TBCD: variants seen among roughly 807,000 people sequenced by gnomAD.
TBCD encodes the protein tubulin folding cofactor D.
In TBCD, 105 loss-of-function variants were observed where a neutral mutation model predicts 169.3. That is an observed-to-expected ratio of 0.62 (90% confidence interval 0.53 to 0.73). The LOEUF is 0.73. Among genes scored for constraint, TBCD ranks in the 30% least tolerant of loss-of-function variants. The pLI, the probability that TBCD is intolerant of heterozygous loss-of-function variation, is 0.00. For synonymous variants in TBCD, 700 were observed against 643.9 expected (o/e 1.09, Z -1.32); for missense variants, 1,444 against 1,600.1 (o/e 0.90, Z 1.66).
chr17:82,930,128 G>A lies in TBCD; in HGVS notation c.2992-394G>A, dbSNP rs1384031655. ...ACGTGAGGTGCCCTCTGCGCCGTGC[G>A]GGCGCGTGCGGGGAGACCCGGGCCA... is the stretch of plus-strand genomic sequence containing the variant. On this transcript the variant is annotated intron_variant, in intron 32 of 38. Coordinates refer to ENST00000355528, the MANE Select transcript of TBCD (RefSeq NM_005993.5). This position sits in a 1 kb window ranked among gnomAD's most constrained non-coding sequence, Gnocchi z 5.2. 6 of 280,194 alleles carry A rather than the reference G, an allele frequency of 2.1e-5. No individual in the cohort carries two copies. The highest frequency in any genetic ancestry group is 4.1e-5 in the South Asian group (1 of 24,322). 17.4% of individuals were successfully genotyped at this position (280,194 alleles called of 1,614,324 possible). A position where few individuals can be genotyped will look rare whatever the true frequency, so the allele number is the denominator to read the frequency against.
intron 23 of TBCD, among the ~76,000 whole-genome samples, chr17:82,919,288 C>G (rs1156472056): frequency 6.6e-6 from 1 of 151,996 alleles, no homozygotes; most frequent in African/African-American, 2.4e-5. Flanking sequence ...TTTGTTTCCC[C>G]CCTCTTGGCA....
chr17:82,798,064 C>T (rs781336875), intron 8 of TBCD, among the ~76,000 whole-genome samples: 5 of 146,828 alleles, frequency 3.4e-5, no homozygotes, highest in Non-Finnish European at 5.9e-5. Context: ...GCAGCCTCCG[C>T]GTCCTGGGTT....
Position 82,943,729 on chromosome 17 carries a change from C to CTGTT in TBCD, c.*1267_*1270dup, listed in dbSNP as rs2063487998. ...ACAGGAGTGTGGGGTTAACACACTA[C>CTGTT]TGTTGTTGTGTTTGACCTGGTGGCC... On this transcript the variant is annotated 3_prime_UTR_variant, in exon 39 of 39. Transcript: ENST00000355528. 6.6e-6 allele frequency: 1 copy of CTGTT among 152,240 alleles called. No individual in the cohort carries two copies. The highest frequency in any genetic ancestry group is 2.4e-5 in the African/African-American group (1 of 41,444). The allele number at this position is 152,240 out of a possible 1,614,324, so 9.4% of individuals were successfully genotyped here.
intron 7 of TBCD, among the ~76,000 whole-genome samples, chr17:82,795,143 A>G (rs1044170139): frequency 6.6e-6 from 1 of 152,262 alleles, no homozygotes; most frequent in Non-Finnish European, 1.5e-5. Flanking sequence ...GAATTGAGTA[A>G]CTAAACAACG....
intron 6 of TBCD, among the ~76,000 whole-genome samples, chr17:82,777,674 C>T (rs1007264283): frequency 5.9e-5 from 9 of 152,184 alleles, no homozygotes; most frequent in African/African-American, 1.2e-4. Flanking sequence ...GCTAACTAAA[C>T]GGCAGAGCCA....
intron 13 of TBCD, among the ~76,000 whole-genome samples, chr17:82,851,754 C>T (rs1311878973): frequency 6.6e-6 from 1 of 152,234 alleles, no homozygotes; most frequent in African/African-American, 2.4e-5. Flanking sequence ...GGGCAGAAAG[C>T]AGGAGCCTTA....
intron 12 of TBCD, among the ~76,000 whole-genome samples, chr17:82,812,056 C>T (rs943456386): frequency 2.0e-4 from 31 of 152,134 alleles, no homozygotes; most frequent in African/African-American, 7.2e-4. Context: ...GGACCTGGGG[C>T]CCCCTCCTGA....
Position 82,832,412 on chromosome 17 carries a change from T to C in TBCD, c.1318+17478T>C. ...AAGGGCTTTCCTGGAGGCCTGGGGA[T>C]GTAATGTGGCTTTTTTGGCTTCCGC... On this transcript the variant is annotated intron_variant, in intron 13 of 38. Coordinates refer to ENST00000355528, the MANE Select transcript of TBCD (RefSeq NM_005993.5). The surrounding 1 kb of genome is among the most constrained non-coding windows in gnomAD (Gnocchi z 4.9). 1.2e-6 allele frequency: 2 copies of C among 1,614,066 alleles called. No homozygotes were observed. The highest frequency in any genetic ancestry group is 1.7e-6 in the Non-Finnish European group (2 of 1,180,042).
chr17:82,908,987 G>A (rs2060432512), intron 21 of TBCD, among the ~76,000 whole-genome samples: 1 of 152,220 alleles, frequency 6.6e-6, no homozygotes, highest in East Asian at 1.9e-4. Flanking sequence ...GCCTGGGTGG[G>A]TTCTACGTCG....
At chr17:82,838,816 C>T (rs577289193) in intron 13 of TBCD, 1 of 985,360 alleles carries the variant, frequency 1.0e-6, no homozygotes, top group African/African-American at 1.7e-5. Flanking sequence ...GCAGGAGATC[C>T]CGAGTTACAG....
rs569936321 is a variant in TBCD, at chr17:82,806,184, T to G, written c.1087+173T>G. ...CCTCTGGCTCCTGAACCCAGGCCTG[T>G]CCCTGACCATGGACAGTCTCTTCCT... is the stretch of plus-strand genomic sequence containing the variant. On this transcript the variant is annotated intron_variant, in intron 10 of 38. Coordinates refer to ENST00000355528, the MANE Select transcript of TBCD (RefSeq NM_005993.5). This position sits in a 1 kb window ranked among gnomAD's most constrained non-coding sequence, Gnocchi z 5.1. 6.6e-6 allele frequency among the ~76,000 whole-genome samples: 1 copy of G among 152,190 alleles called. No homozygotes were observed. The highest frequency in any genetic ancestry group is 6.5e-5 in the Admixed American group (1 of 15,290).
intron 23 of TBCD, chr17:82,913,241 A>C (rs931543906): frequency 5.3e-5 from 8 of 152,272 alleles, no homozygotes; most frequent in Non-Finnish European, 8.8e-5. Flanking sequence ...CTTCCCACCC[A>C]CGACACGGGT....
intron 13 of TBCD, among the ~76,000 whole-genome samples, chr17:82,857,904 A>G (rs1326070965): frequency 1.4e-5 from 2 of 146,786 alleles, no homozygotes; most frequent in Non-Finnish European, 3.0e-5. Context: ...ATCTAGCATT[A>G]TTTTAATTTG....
chr17:82,835,207 C>T lies in TBCD; in HGVS notation c.1318+20273C>T, dbSNP rs779388594. Among the ~76,000 whole-genome samples the T allele has an allele frequency of 1.3e-5, 2 of 152,024 alleles. No individual in the cohort carries two copies. The highest frequency in any genetic ancestry group is 2.9e-5 in the Non-Finnish European group (2 of 68,008). ...GGTGGCTAAAAGTCAAGTGAAAAGC[C>T]GCCCCTTGAAAATAGAGCAACGTGT... is the stretch of plus-strand genomic sequence containing the variant. On this transcript the variant is annotated intron_variant, in intron 13 of 38. Transcript: ENST00000355528. The surrounding 1 kb of genome is among the most constrained non-coding windows in gnomAD (Gnocchi z 4.5).
At chr17:82,882,236 C>T (rs147670849) in intron 14 of TBCD, among the ~76,000 whole-genome samples, 4 of 152,362 alleles carry the variant, frequency 2.6e-5, no homozygotes, top group African/African-American at 9.6e-5. Context: ...CTCACTCAGA[C>T]CCACTCGCAC....
chr17:82,784,162 TC>T (rs1028759153), intron 7 of TBCD, among the ~76,000 whole-genome samples: 1 of 152,130 alleles, frequency 6.6e-6, no homozygotes, highest in Non-Finnish European at 1.5e-5. Context: ...CTTAATACTT[TC>T]AGTACCCTTG....
In TBCD at chr17:82,809,760, G is replaced by A. The variant is rs768185693; in HGVS notation, c.1201G>A (p.Gly401Arg). The change falls in exon 12 of 39, where the codon GGG becomes AGG. Residue 401 changes from glycine to arginine, a missense_variant. Transcript: ENST00000355528. ...LPRALADDVV[G>R]SVLDCFSFQE... The stretch of plus-strand genomic sequence containing the variant: ...CAGAGCCCTGGCGGATGATGTGGTC[G>A]GGTCTGTGCTGGACTGCTTCAGGTA... 9 of 1,613,496 alleles carry A rather than the reference G, an allele frequency of 5.6e-6. No homozygotes were observed. In the African/African-American group the frequency reaches 8.0e-5, roughly 14 times the overall value.
intron 22 of TBCD, among the ~76,000 whole-genome samples, chr17:82,910,612 G>A (rs570590719): frequency 3.2e-4 from 49 of 152,004 alleles, no homozygotes; most frequent in African/African-American, 1.2e-3. Context: ...TGTCGCCCAG[G>A]CTGGAGTGCA....
chr17:82,830,669 G>A lies in TBCD; in HGVS notation c.1318+15735G>A, dbSNP rs948834890. On this transcript the variant is annotated intron_variant, in intron 13 of 38. Transcript: ENST00000355528. ...TCCTTCACCGAGAGATTGAGTGGAA[G>A]GTCCTGCAGCTCTGAGAAGCTGGCG... 6.2e-7 allele frequency: 1 copy of A among 1,614,034 alleles called. No homozygotes were observed. Among genetic ancestry groups the A allele is most frequent in the Non-Finnish European group, 8.5e-7 (1 of 1,180,032 alleles).
Sources: allele counts gnomAD v4.1 joint callset (sites outside exome capture counted in the v4.1 genomes callset), GRCh38; gene constraint gnomAD v4.1.1; non-coding constraint Gnocchi (gnomAD v3.1); transcripts MANE v1.5; gene names NCBI Gene and HGNC (gene_info 2026-07-23, HGNC 2026-07-21).